The following CCDC85A variants were observed in gnomAD, a reference collection of about 807,000 sequenced individuals.
CCDC85A encodes the protein coiled-coil domain-containing protein 85A.
Under a neutral mutation model 50.2 loss-of-function variants are expected in CCDC85A, and 38 were observed. That is an observed-to-expected ratio of 0.76 (90% CI 0.58 to 0.99). The LOEUF is 0.99. Ranked by LOEUF, CCDC85A falls within the 50% of genes least tolerant of loss-of-function variation. CCDC85A has a pLI of 0.00. For missense variants in CCDC85A, 820 were observed against 742.0 expected, an observed-to-expected ratio of 1.11 and a Z score of -1.22; for synonymous variants, 366 against 301.4, an observed-to-expected ratio of 1.21 and a Z score of -2.22.
rs1339307737 is a variant in CCDC85A, at chr2:56,192,683, G to A, written c.483G>A (p.Glu161=). The change falls in exon 2 of 6, where the codon GAG becomes GAA. Residue 161 remains glutamate, a synonymous_variant. Coordinates refer to ENST00000407595, the MANE Select transcript of CCDC85A (RefSeq NM_001080433.2). The surrounding 1 kb of genome is among the most constrained non-coding windows in gnomAD (Gnocchi z 4.7). ...TGAAGCAGGAGGAAGTGGTGAAGGA[G>A]AACATGGAGCTCAAGGAGCTCTGTG... is the stretch of plus-strand genomic sequence containing the variant. ...LEVKQEEVVK[E]NMELKELCVL... 5 of 1,613,772 alleles carry A rather than the reference G, an allele frequency of 3.1e-6. No individual in the cohort carries two copies. The highest frequency in any genetic ancestry group is 2.2e-5 in the East Asian group (1 of 44,878).
chr2:56,259,959 A>G (rs1356071014), intron 2 of CCDC85A, among the ~76,000 whole-genome samples: 3 of 152,124 alleles, frequency 2.0e-5, no homozygotes, highest in Non-Finnish European at 4.4e-5. Flanking sequence ...TTATGAATCT[A>G]TGTTGCGGGG....
chr2:56,300,496 C>A (rs1573208051), intron 2 of CCDC85A, among the ~76,000 whole-genome samples: 1 of 152,150 alleles, frequency 6.6e-6, no homozygotes, highest in East Asian at 1.9e-4. Flanking sequence ...AGGGGTGATG[C>A]TGAACCTGGT....
intron 2 of CCDC85A, among the ~76,000 whole-genome samples, chr2:56,254,625 C>G (rs1669904623): frequency 6.6e-6 from 1 of 151,172 alleles, no homozygotes. Context: ...TGTCCCTGAT[C>G]TCATGGAGCC....
chr2:56,338,411 A>T (rs28608126), intron 2 of CCDC85A, among the ~76,000 whole-genome samples: 1 of 152,096 alleles, frequency 6.6e-6, no homozygotes, highest in African/African-American at 2.4e-5. Context: ...AGGACAAAAA[A>T]GGGAAATAGC....
intron 2 of CCDC85A, among the ~76,000 whole-genome samples, chr2:56,342,469 C>T (rs563718749): frequency 4.6e-5 from 7 of 152,196 alleles, no homozygotes; most frequent in South Asian, 4.1e-4. Flanking sequence ...TCTAAGTGTG[C>T]GTGATTTTAC....
chr2:56,369,212 C>A (rs780133179), intron 3 of CCDC85A, among the ~76,000 whole-genome samples: 3 of 151,880 alleles, frequency 2.0e-5, no homozygotes, highest in Non-Finnish European at 2.9e-5. Flanking sequence ...TATTTTTTTG[C>A]AAAATTGGTT....
chr2:56,257,465 C>T (rs911681467), intron 2 of CCDC85A, among the ~76,000 whole-genome samples: 7 of 151,860 alleles, frequency 4.6e-5, no homozygotes, highest in Admixed American at 6.6e-5. Context: ...AAGCATACGA[C>T]GAGGGGCCAA....
intron 1 of CCDC85A, among the ~76,000 whole-genome samples, chr2:56,190,227 T>A (rs959905145): frequency 6.6e-6 from 1 of 152,216 alleles, no homozygotes; most frequent in Non-Finnish European, 1.5e-5. Flanking sequence ...TTTTTCAGGC[T>A]TTTTGAAGCA....
At chr2:56,185,146 G>A (rs1001629963) in intron 1 of CCDC85A, among the ~76,000 whole-genome samples, 2 of 151,746 alleles carry the variant, frequency 1.3e-5, no homozygotes, top group Admixed American at 6.6e-5. Flanking sequence ...CGCTGAGGAC[G>A]CTGGAAAGCA....
intron 2 of CCDC85A, among the ~76,000 whole-genome samples, chr2:56,296,855 C>T (rs942287726): frequency 6.6e-6 from 1 of 152,006 alleles, no homozygotes; most frequent in Non-Finnish European, 1.5e-5. Flanking sequence ...GCCAGAAATG[C>T]CTACTTTTTT....
At chr2:56,267,222 C>T (rs1670490547) in intron 2 of CCDC85A, among the ~76,000 whole-genome samples, 1 of 152,180 alleles carries the variant, frequency 6.6e-6, no homozygotes, top group East Asian at 1.9e-4. Flanking sequence ...ACCCCACGCT[C>T]TTGCCAGTTC....
At chr2:56,183,880 C>A, upstream of CCDC85A, 1 of 985,378 alleles carries the variant, frequency 1.0e-6, no homozygotes, top group Non-Finnish European at 1.2e-6. Context: ...CCTCGAGGGC[C>A]CGGGCAGCGG....
chr2:56,337,645 C>T (rs1171402499), intron 2 of CCDC85A, among the ~76,000 whole-genome samples: 3 of 152,164 alleles, frequency 2.0e-5, no homozygotes, highest in Admixed American at 1.3e-4. Flanking sequence ...GTTTCTCCTT[C>T]GTAAGAACTA....
intron 2 of CCDC85A, among the ~76,000 whole-genome samples, chr2:56,291,298 T>C (rs972075604): frequency 2.0e-5 from 3 of 152,228 alleles, no homozygotes; most frequent in African/African-American, 7.2e-5. Context: ...CAGCAAGTAC[T>C]GATGGAGACC....
At chr2:56,269,753 T>A (rs1670617605) in intron 2 of CCDC85A, among the ~76,000 whole-genome samples, 1 of 152,040 alleles carries the variant, frequency 6.6e-6, no homozygotes, top group Non-Finnish European at 1.5e-5. Context: ...AAGCCTTTCA[T>A]TTTTTTTAAG....
At chr2:56,315,375 G>T (rs1672875636) in intron 2 of CCDC85A, among the ~76,000 whole-genome samples, 1 of 152,076 alleles carries the variant, frequency 6.6e-6, no homozygotes, top group Non-Finnish European at 1.5e-5. Context: ...AATAAACTTG[G>T]TGCAAATAAA....
chr2:56,336,171 C>A (rs1674063194), intron 2 of CCDC85A, among the ~76,000 whole-genome samples: 2 of 151,618 alleles, frequency 1.3e-5, no homozygotes, highest in African/African-American at 2.4e-5. Flanking sequence ...TTTATTTTTT[C>A]AGATGGAGTT....
chr2:56,257,702 G>A (rs1260660153), intron 2 of CCDC85A, among the ~76,000 whole-genome samples: 1 of 152,128 alleles, frequency 6.6e-6, no homozygotes, highest in African/African-American at 2.4e-5. Context: ...GTTTTTTCAG[G>A]TATCTACAAG....
rs776072908 is a variant in CCDC85A at position 56,192,811 on chromosome 2, T to G, written c.611T>G (p.Val204Gly). The G allele has an allele frequency of 5.6e-6, 9 of 1,613,112 alleles. No individual in the cohort carries two copies. Among genetic ancestry groups the G allele is most frequent in the African/African-American group, 1.3e-5 (1 of 74,838 alleles). Residue 204 changes from valine (V) to glycine (G), a missense_variant, in exon 2 of 6, where the codon GTG becomes GGG. By Grantham distance (109) the Val-to-Gly change is moderately radical. Transcript: ENST00000407595. This position sits in a 1 kb window ranked among gnomAD's most constrained non-coding sequence, Gnocchi z 4.7. ...CTCACAGCCTCCACCGCACCCTACGTGCGGGATGTGGGTGACGGCAGCAGC... is the reference window on the plus strand; with the variant it reads ...CTCACAGCCTCCACCGCACCCTACGGGCGGGATGTGGGTGACGGCAGCAGC... ...CQLTASTAPYVRDVGDGSSTS... is the reference protein window; with the variant it reads ...CQLTASTAPYGRDVGDGSSTS...
Sources: allele counts gnomAD v4.1 joint callset (sites outside exome capture counted in the v4.1 genomes callset), GRCh38; gene constraint gnomAD v4.1.1; non-coding constraint Gnocchi (gnomAD v3.1); transcripts MANE v1.5; gene names NCBI Gene and HGNC (gene_info 2026-07-23, HGNC 2026-07-21).